The following MKRN3 variants were observed in gnomAD, a reference collection of about 807,000 sequenced individuals.
MKRN3 encodes makorin ring finger protein 3.
For synonymous variants in MKRN3, 301 were observed against 250.2 expected (o/e 1.20, Z -1.91); for missense variants, 749 against 667.0 (o/e 1.12, Z -1.35).
Position 23,566,403 on chromosome 15 carries a change from T to G in MKRN3, c.621T>G (p.Val207=). The change falls in exon 1 of 1, where the codon GTT becomes GTG. Residue 207 remains valine (V), a synonymous_variant. Coordinates refer to ENST00000314520, the MANE Select transcript of MKRN3 (RefSeq NM_005664.4). ...VESWADAIEF[V]PGQPYRGRWV... is the part of the protein sequence containing the mutation. ...GCTGGGCGGATGCCATTGAGTTTGT[T>G]CCAGGGCAGCCCTACCGGGGCCGCT... 6.2e-7 allele frequency: 1 copy of G among 1,614,012 alleles called. No individual in the cohort carries two copies. The highest frequency in any genetic ancestry group is 8.5e-7 in the Non-Finnish European group (1 of 1,179,952).
At position 23,567,600 on chromosome 15, in the gene MKRN3, C is replaced by T. The variant is rs1889132883; in HGVS notation, c.*294C>T. ...TTCTAGTGTAGTGTTTACTGAATTT[C>T]CACACTTATTTTGAAGACCCTCAAG... On this transcript the variant is annotated 3_prime_UTR_variant, in exon 1 of 1. Coordinates refer to ENST00000314520, the MANE Select transcript of MKRN3 (RefSeq NM_005664.4). 3 of 1,184,562 alleles carry T rather than the reference C, an allele frequency of 2.5e-6. No individual in the cohort carries two copies. The highest frequency in any genetic ancestry group is 3.2e-6 in the Non-Finnish European group (3 of 946,856). The allele number at this position is 1,184,562 out of a possible 1,614,324, so 73.4% of individuals were successfully genotyped here.
rs1010605011 is a variant in MKRN3, at chr15:23,566,827, A to G, written c.1045A>G (p.Ser349Gly). The change falls in exon 1 of 1, where the codon AGT (serine) becomes GGT (glycine). Residue 349 changes from serine (S) to glycine (G), a missense_variant. Ser to Gly is a moderately conservative substitution (Grantham distance 56, BLOSUM62 0). Coordinates refer to ENST00000314520, the MANE Select transcript of MKRN3 (RefSeq NM_005664.4). ...TATTAGGTGTATCCGCAGGTGGAGA[A>G]GTGCCAGACAGTTTGAGAACAGGAT... is the stretch of plus-strand genomic sequence containing the variant. The part of the protein sequence containing the change: ...FCIRCIRRWR[S>G]ARQFENRIVK... 6.2e-6 allele frequency: 10 copies of G among 1,614,116 alleles called. No individual in the cohort carries two copies. Among genetic ancestry groups the G allele is most frequent in the Non-Finnish European group, 7.6e-6 (9 of 1,180,052 alleles).
At position 23,566,738 on chromosome 15, in the gene MKRN3, A is replaced by G. The variant is rs1408342130; in HGVS notation, c.956A>G (p.Tyr319Cys). 2 of 1,614,208 alleles carry G rather than the reference A, an allele frequency of 1.2e-6. No homozygotes were observed. The highest frequency in any genetic ancestry group is 1.7e-6 in the Non-Finnish European group (2 of 1,180,032). The change falls in exon 1 of 1, where the codon TAT becomes TGT. Residue 319 changes from tyrosine (Y) to cysteine (C), a missense_variant. Physicochemically the swap from Tyr to Cys is radical, Grantham distance 194. Transcript: ENST00000314520. Reference protein sequence around the residue: ...KVCGICMEVVYEKANPNDRRF... With the variant: ...KVCGICMEVVCEKANPNDRRF... The stretch of plus-strand genomic sequence containing the variant: ...TGTGGCATCTGCATGGAGGTTGTCT[A>G]TGAGAAGGCCAACCCCAATGACCGC...
In MKRN3 at chr15:23,566,862, T is replaced by C; in HGVS notation, c.1080T>C (p.Ser360=). 1 of 1,614,204 alleles carries C rather than the reference T, an allele frequency of 6.2e-7. No homozygotes were observed. Among genetic ancestry groups the C allele is most frequent in the Non-Finnish European group, 8.5e-7 (1 of 1,180,034 alleles). The change falls in exon 1 of 1, where the codon TCT becomes TCC. Residue 360 remains serine, a synonymous_variant. Coordinates refer to ENST00000314520, the MANE Select transcript of MKRN3 (RefSeq NM_005664.4). ...ARQFENRIVK[S]CPQCRVTSEL... ...AGTTTGAGAACAGGATCGTCAAGTCTTGCCCACAGTGCAGGGTCACCTCTG... is the reference window on the plus strand; with the variant it reads ...AGTTTGAGAACAGGATCGTCAAGTCCTGCCCACAGTGCAGGGTCACCTCTG...
Position 23,567,535 on chromosome 15 carries a change from C to CT in MKRN3, c.*237dup, listed in dbSNP as rs201081729. On this transcript the variant is annotated 3_prime_UTR_variant, in exon 1 of 1. Transcript: ENST00000314520. ...AATTAATATTAATGTCAGCTTATGG[C>CT]TTTTTTTTGTCATCTCTGTTGTCAA... 1.3e-3 allele frequency: 1,755 copies of CT among 1,371,880 alleles called. 13 individuals are homozygous for CT. In the African/African-American group the frequency reaches 0.021, roughly 16 times the overall value. The allele number at this position is 1,371,880 out of a possible 1,614,324, so 85.0% of individuals were successfully genotyped here. A position where few individuals can be genotyped will look rare whatever the true frequency, so the allele number is the denominator to read the frequency against.
chr15:23,566,167 G>T lies in MKRN3; in HGVS notation c.385G>T (p.Glu129Ter). The change falls in exon 1 of 1, where the codon GAG (glutamate) becomes TAG (stop). Residue 129 changes from glutamate (E) to a stop codon, truncating the protein, a stop_gained. Coordinates refer to ENST00000314520, the MANE Select transcript of MKRN3 (RefSeq NM_005664.4). LOFTEE classifies it low-confidence loss of function (END_TRUNC). ...CCTTTCTGGTCGGAAGATGGCCACT[G>T]AGGGTGGCGTTTCGCCGCCTGGGGC... ...HDLSGRKMAT[E>*]GGVSPPGASA... The T allele has an allele frequency of 6.2e-7, 1 of 1,614,008 alleles. No individual in the cohort carries two copies. The highest frequency in any genetic ancestry group is 1.3e-5 in the African/African-American group (1 of 75,072).
chr15:23,566,203 G>A lies in MKRN3; in HGVS notation c.421G>A (p.Gly141Arg), dbSNP rs1889087529. The change falls in exon 1 of 1, where the codon GGA becomes AGA. Residue 141 changes from glycine to arginine, a missense_variant. Physicochemically the swap from Gly to Arg is moderately radical, Grantham distance 125. Transcript: ENST00000314520. The stretch of plus-strand genomic sequence containing the variant: ...TTCGCCGCCTGGGGCCTCTGCAGGT[G>A]GAGGCCCTAGCACGGCTGCGCACAT... The part of the protein sequence containing the change: ...GVSPPGASAG[G>R]GPSTAAHIEP... The A allele has an allele frequency of 6.2e-7, 1 of 1,613,596 alleles. No individual in the cohort carries two copies. The highest frequency in any genetic ancestry group is 1.3e-5 in the African/African-American group (1 of 74,950).
At position 23,566,267 on chromosome 15, in the gene MKRN3, C is replaced by T; in HGVS notation, c.485C>T (p.Ala162Val). ...PTQEVAEAPP[A>V]ASSLSLPVIG... ...CAGGAAGTGGCGGAAGCCCCCCCGG[C>T]TGCATCCTCCCTTTCCTTGCCTGTG... The change falls in exon 1 of 1, where the codon GCT becomes GTT. Residue 162 changes from alanine to valine, a missense_variant. Ala to Val is a moderately conservative substitution (Grantham distance 64). Transcript: ENST00000314520. 6.2e-7 allele frequency: 1 copy of T among 1,613,978 alleles called. No homozygotes were observed. Among genetic ancestry groups the T allele is most frequent in the Non-Finnish European group, 8.5e-7 (1 of 1,180,040 alleles).
rs764114571 is a variant in MKRN3 at position 23,566,217 on chromosome 15, G to A, written c.435G>A (p.Thr145=). The change falls in exon 1 of 1, where the codon ACG becomes ACA. Residue 145 remains threonine (T), a synonymous_variant. Transcript: ENST00000314520. ...CCTCTGCAGGTGGAGGCCCTAGCAC[G>A]GCTGCGCACATCGAGCCCCCGACTC... ...PGASAGGGPS[T]AAHIEPPTQE... The A allele has an allele frequency of 1.4e-5, 23 of 1,613,518 alleles. No homozygotes were observed. Among genetic ancestry groups the A allele is most frequent in the South Asian group, 8.8e-5 (8 of 91,088 alleles).
At position 23,567,776 on chromosome 15, in the gene MKRN3, T is replaced by C; in HGVS notation, c.*470T>C. On this transcript the variant is annotated 3_prime_UTR_variant, in exon 1 of 1. Transcript: ENST00000314520. ...TTCCCTCCTTCCCCTTCAAGTGCAC[T>C]TGTTAAACTGTGATGAACTTGTGAT... 1 of 1,003,372 alleles carries C rather than the reference T, an allele frequency of 1.0e-6. No individual in the cohort carries two copies. Among genetic ancestry groups the C allele is most frequent in the South Asian group, 4.7e-5 (1 of 21,498 alleles). The allele number at this position is 1,003,372 out of a possible 1,614,324, so 62.2% of individuals were successfully genotyped here. A position where few individuals can be genotyped will look rare whatever the true frequency, so the allele number is the denominator to read the frequency against.
In MKRN3 at chr15:23,567,308, A is replaced by G. The variant is rs374204924; in HGVS notation, c.*2A>G. The G allele has an allele frequency of 8.1e-5, 131 of 1,613,540 alleles. No individual in the cohort carries two copies. Among genetic ancestry groups the G allele is most frequent in the Non-Finnish European group, 1.0e-4 (122 of 1,179,698 alleles). ...GAATATTTCAATTTGATTCTGTAGCATCGTGCTGTGGCATGTGGTCTAGTC... is the reference window on the plus strand; with the variant it reads ...GAATATTTCAATTTGATTCTGTAGCGTCGTGCTGTGGCATGTGGTCTAGTC... On this transcript the variant is annotated 3_prime_UTR_variant, in exon 1 of 1. Coordinates refer to ENST00000314520, the MANE Select transcript of MKRN3 (RefSeq NM_005664.4).
Position 23,565,863 on chromosome 15 carries a change from G to A in MKRN3, c.81G>A (p.Val27=). 6.2e-7 allele frequency: 1 copy of A among 1,613,860 alleles called. No individual in the cohort carries two copies. Among genetic ancestry groups the A allele is most frequent in the East Asian group, 2.2e-5 (1 of 44,840 alleles). Residue 27 remains valine (V), a synonymous_variant, in exon 1 of 1, where the codon GTG becomes GTA. Coordinates refer to ENST00000314520, the MANE Select transcript of MKRN3 (RefSeq NM_005664.4). Reference sequence around the variant, plus strand: ...GTGCTGAGGCAGCAAGGGAGGGTGTGTCTGGGCCGGACCTTCCCGTCTGTG... The same window carrying A: ...GTGCTGAGGCAGCAAGGGAGGGTGTATCTGGGCCGGACCTTCCCGTCTGTG... ...QAGAEAAREG[V]SGPDLPVCEP...
rs774413334 is a variant in MKRN3, at chr15:23,565,910, C to G, written c.128C>G (p.Ala43Gly). Residue 43 changes from alanine to glycine, a missense_variant, in exon 1 of 1, where the codon GCT becomes GGT. Coordinates refer to ENST00000314520, the MANE Select transcript of MKRN3 (RefSeq NM_005664.4). ...PVCEPSGESA[A>G]PDSALPHAAR... is the part of the protein sequence containing the mutation. ...TGTGAGCCCTCCGGGGAATCTGCTG[C>G]TCCAGATTCAGCCCTGCCACATGCG... is the stretch of plus-strand genomic sequence containing the variant. The G allele has an allele frequency of 2.5e-6, 4 of 1,613,882 alleles. No individual in the cohort carries two copies. The East Asian group carries it at 8.9e-5, about 36-fold the overall frequency.
chr15:23,566,813 TCC>T lies in MKRN3; in HGVS notation c.1032_1033del (p.Ile344MetfsTer10). 6.2e-7 allele frequency: 1 copy of T among 1,614,206 alleles called. No homozygotes were observed. Among genetic ancestry groups the T allele is most frequent in the Non-Finnish European group, 8.5e-7 (1 of 1,180,032 alleles). ...AACCATTCCTTCTGTATTAGGTGTA[TCC>T]GCAGGTGGAGAAGTGCCAGACAGTT... On this transcript the variant is annotated frameshift_variant, in exon 1 of 1. Coordinates refer to ENST00000314520, the MANE Select transcript of MKRN3 (RefSeq NM_005664.4). LOFTEE classifies it low-confidence loss of function (END_TRUNC).
At position 23,566,015 on chromosome 15, in the gene MKRN3, C is replaced by G; in HGVS notation, c.233C>G (p.Ser78Ter). ...GGAGGCCTGAGGCCTGCCCCAGCCT[C>G]AGGAGGAGGAGCCTGGCCCAGTCCG... ...RRGGLRPAPA[S>*]GGGAWPSPLP... is the part of the protein sequence containing the mutation. The change falls in exon 1 of 1, where the codon TCA becomes TGA. Residue 78 changes from serine (S) to a stop codon, truncating the protein, a stop_gained. Coordinates refer to ENST00000314520, the MANE Select transcript of MKRN3 (RefSeq NM_005664.4). LOFTEE classifies it low-confidence loss of function (END_TRUNC). 1 of 1,613,952 alleles carries G rather than the reference C, an allele frequency of 6.2e-7. No individual in the cohort carries two copies. Among genetic ancestry groups the G allele is most frequent in the Non-Finnish European group, 8.5e-7 (1 of 1,180,018 alleles).
Position 23,566,161 on chromosome 15 carries a change from G to C in MKRN3, c.379G>C (p.Ala127Pro). The change falls in exon 1 of 1, where the codon GCC (alanine) becomes CCC (proline). Residue 127 changes from alanine (A) to proline (P), a missense_variant. Ala to Pro is a conservative substitution (Grantham distance 27). Transcript: ENST00000314520. ...GCACGACCTTTCTGGTCGGAAGATG[G>C]CCACTGAGGGTGGCGTTTCGCCGCC... ...YSHDLSGRKM[A>P]TEGGVSPPGA... The C allele has an allele frequency of 6.2e-7, 1 of 1,614,024 alleles. No individual in the cohort carries two copies.
rs369146379 is a variant in MKRN3 at position 23,566,525 on chromosome 15, C to T, written c.743C>T (p.Ser248Phe). ...GSGLRFCYYA[S>F]RGVCFRGESC... ...GGGTTGCGGTTTTGCTATTATGCTT[C>T]CAGGGGAGTTTGCTTTCGTGGGGAG... The change falls in exon 1 of 1, where the codon TCC becomes TTC. Residue 248 changes from serine (S) to phenylalanine (F), a missense_variant. Physicochemically the swap from Ser to Phe is radical, Grantham distance 155. Transcript: ENST00000314520. The T allele has an allele frequency of 1.9e-6, 3 of 1,614,170 alleles. No individual in the cohort carries two copies. Among genetic ancestry groups the T allele is most frequent in the Non-Finnish European group, 2.5e-6 (3 of 1,180,028 alleles).
rs559527725 is a variant in MKRN3 at position 23,566,472 on chromosome 15, T to G, written c.690T>G (p.Thr230=). ...AGGCTCCTCTACAGAGCTCAGAGAC[T>G]GAGAGGAAGCAGATGGCTGTGGGCA... is the stretch of plus-strand genomic sequence containing the variant. The part of the protein sequence containing the change: ...APEAPLQSSE[T]ERKQMAVGSG... The change falls in exon 1 of 1, where the codon ACT becomes ACG. Residue 230 remains threonine, a synonymous_variant. Transcript: ENST00000314520. The G allele has an allele frequency of 6.2e-7, 1 of 1,614,076 alleles. No individual in the cohort carries two copies. The highest frequency in any genetic ancestry group is 1.3e-5 in the African/African-American group (1 of 75,034).
At position 23,568,014 on chromosome 15, in the gene MKRN3, GC is replaced by G. The variant is rs1464978022; in HGVS notation, c.*709del. On this transcript the variant is annotated 3_prime_UTR_variant, in exon 1 of 1. Coordinates refer to ENST00000314520, the MANE Select transcript of MKRN3 (RefSeq NM_005664.4). ...GTTTATGTAATAAAGTAAATACAGA[GC>G]TGAAAGCTGAAGGTCAAAGCCTAAC... 4 of 672,994 alleles carry G rather than the reference GC, an allele frequency of 5.9e-6. No individual in the cohort carries two copies. The highest frequency in any genetic ancestry group is 7.3e-6 in the Non-Finnish European group (4 of 544,286). The allele number at this position is 672,994 out of a possible 1,614,324, so 41.7% of individuals were successfully genotyped here. A position where few individuals can be genotyped will look rare whatever the true frequency, so the allele number is the denominator to read the frequency against.
Sources: allele counts gnomAD v4.1 joint callset, GRCh38; gene constraint gnomAD v4.1.1; transcripts MANE v1.5; gene names NCBI Gene and HGNC (gene_info 2026-07-23, HGNC 2026-07-21).